ADAP1: variants seen among roughly 807,000 people sequenced by gnomAD.
ADAP1 encodes the protein arf-GAP with dual PH domain-containing protein 1.
In ADAP1, 31 loss-of-function variants were observed where a neutral mutation model predicts 54.9. That is an observed-to-expected ratio of 0.56 (90% confidence interval 0.42 to 0.76). The LOEUF (loss-of-function observed/expected upper bound fraction) is 0.76, where lower values mean the gene tolerates loss of function less well. ADAP1 is among the 30% of genes least tolerant of loss of function. The pLI is 0.00. For synonymous variants in ADAP1, 313 were observed against 202.6 expected (o/e 1.55, Z -4.63); for missense variants, 535 against 512.4 (o/e 1.04, Z -0.42).
chr7:919,938 G>T (rs1172059203), intron 4 of ADAP1, 30 bp downstream of exon 4: 1 of 1,574,288 alleles, frequency 6.4e-7, no homozygotes. Flanking sequence ...GAGGTAGCCG[G>T]GAGGCCCCAC....
chr7:941,151 T>G (rs1039781465), intron 1 of ADAP1, among the ~76,000 whole-genome samples: 2 of 151,734 alleles, frequency 1.3e-5, no homozygotes, highest in Non-Finnish European at 1.5e-5. Context: ...GAATAGAGGG[T>G]AATTTCCCCA....
At chr7:917,810 G>A (rs923298240) in intron 4 of ADAP1, among the ~76,000 whole-genome samples, 5 of 152,064 alleles carry the variant, frequency 3.3e-5, no homozygotes, top group South Asian at 2.1e-4. Context: ...TCGCTCTGAC[G>A]TCCAGGCTGG....
chr7:905,299 A>C (rs56919223), intron 4 of ADAP1, 127 bp from the exon 5 acceptor site: 4 of 172,690 alleles, frequency 2.3e-5, no homozygotes, highest in Middle Eastern at 8.1e-4. Flanking sequence ...GGACACGGAC[A>C]GGGGGAGACG....
chr7:919,924 G>A (rs1250525111), intron 4 of ADAP1, 44 bp downstream of exon 4: 8 of 1,522,526 alleles, frequency 5.3e-6, no homozygotes, highest in Non-Finnish European at 7.1e-6. Flanking sequence ...GAGAGAGCCA[G>A]GGAGAGGTAG....
In ADAP1 at chr7:898,570, T is replaced by C; in HGVS notation, c.*351A>G. 2.5e-6 allele frequency: 1 copy of C among 397,500 alleles called. No individual in the cohort carries two copies. The highest frequency in any genetic ancestry group is 4.8e-6 in the Non-Finnish European group (1 of 209,250). 24.6% of individuals were successfully genotyped at this position (397,500 alleles called of 1,614,324 possible). A position where few individuals can be genotyped will look rare whatever the true frequency, so the allele number is the denominator to read the frequency against. On this transcript the variant is annotated 3_prime_UTR_variant, in exon 11 of 11. Transcript: ENST00000265846. The stretch of plus-strand genomic sequence containing the variant: ...CCAAGCAGGGCTCTGCGCTGAGGCC[T>C]GGAAGTTCCCACAGCCGTGGTGGGC...
chr7:940,696 G>A (rs1384183816), intron 1 of ADAP1, among the ~76,000 whole-genome samples: 1 of 152,056 alleles, frequency 6.6e-6, no homozygotes, highest in Non-Finnish European at 1.5e-5. Context: ...CTACTCCTAG[G>A]AATTTACCCA....
chr7:906,771 G>GGATGGGACAT (rs1554272482), intron 4 of ADAP1, among the ~76,000 whole-genome samples: 610 of 31,384 alleles, frequency 0.019, 48 homozygotes, highest in Middle Eastern at 0.054. Flanking sequence ...GGGGACATGG[G>GGATGGGACAT]GGACAGGGGA....
intron 2 of ADAP1, among the ~76,000 whole-genome samples, chr7:931,711 T>C (rs78778431): frequency 0.024 from 3,598 of 150,226 alleles, 157 homozygotes; most frequent in East Asian, 0.24. Flanking sequence ...TGTATGGCTG[T>C]GAACGGCATC....
chr7:937,078 GGGATTTGGGGGTCACGCCGGGCCTC>G (rs1266819542), intron 1 of ADAP1, among the ~76,000 whole-genome samples: 3,041 of 121,238 alleles, frequency 0.025, 24 homozygotes, highest in African/African-American at 0.049. Context: ...CCCGGCCTCT[GGGATTTGGGGGTCACGCCGGGCCTC>G]GGATTTGGGG....
At chr7:915,366 A>T (rs1569112) in intron 4 of ADAP1, among the ~76,000 whole-genome samples, 1 of 152,148 alleles carries the variant, frequency 6.6e-6, no homozygotes, top group East Asian at 1.9e-4. Flanking sequence ...AACAGAGGGC[A>T]CAGCCCATGC....
In ADAP1 at chr7:899,029, T is replaced by TCA. The variant is rs1421436238; in HGVS notation, c.1096+2_1096+3dup. On this transcript the variant is annotated splice_donor_region_variant and intron_variant, in intron 10 of 10. Transcript: ENST00000265846. Reference sequence around the variant, plus strand: ...CCAGGCCGCCGGCCGCCCGCCCCCCTCACCTGCGTACTCCTGGGGCAGCAT... The same window carrying TCA: ...CCAGGCCGCCGGCCGCCCGCCCCCCTCACACCTGCGTACTCCTGGGGCAGCAT... The TCA allele has an allele frequency of 1.9e-6, 3 of 1,609,544 alleles. No homozygotes were observed. In the South Asian group the frequency reaches 3.3e-5, roughly 18 times the overall value.
intron 1 of ADAP1, among the ~76,000 whole-genome samples, chr7:936,099 G>A (rs1396611476): frequency 2.0e-5 from 3 of 152,222 alleles, no homozygotes; most frequent in Non-Finnish European, 4.4e-5. Context: ...CACCCTGCAT[G>A]TGGCCTGTCT....
rs577801628 is a variant in ADAP1, at chr7:907,040, G to C, written c.389-1868C>G. Among the ~76,000 whole-genome samples, 13 of 152,246 alleles carry C rather than the reference G, an allele frequency of 8.5e-5. No homozygotes were observed. The East Asian group carries it at 1.5e-3, about 18-fold the overall frequency. ...AACCTCGTGCTGCCCGGGAGGACCA[G>C]GCTGGCCTCCTCCCTCCTCCCTCAG... On this transcript the variant is annotated intron_variant, in intron 4 of 10. Coordinates refer to ENST00000265846, the MANE Select transcript of ADAP1 (RefSeq NM_006869.4).
Position 906,495 on chromosome 7 carries a change from AGGAGAAAG to A in ADAP1, c.389-1331_389-1324del, listed in dbSNP as rs1279107846. Among the ~76,000 whole-genome samples, 86 of 28,280 alleles carry A rather than the reference AGGAGAAAG, an allele frequency of 3.0e-3. 15 individuals carry two copies. Among genetic ancestry groups the A allele is most frequent in the African/African-American group, 6.7e-3 (50 of 7,486 alleles). 18.6% of individuals were successfully genotyped at this position (28,280 alleles called of 152,430 possible). A position where few individuals can be genotyped will look rare whatever the true frequency, so the allele number is the denominator to read the frequency against. On this transcript the variant is annotated intron_variant, in intron 4 of 10. Transcript: ENST00000265846. The stretch of plus-strand genomic sequence containing the variant: ...GAGAAAGGAGAAAGGAGAAAGGGAA[AGGAGAAAG>A]GGAGAAAGGAGAAAGGAGAAAGGGA...
rs1423445748 is a variant in ADAP1 at position 945,100 on chromosome 7, A to G, written c.82+9296T>C. ...AGGAGATGGGGAGCTAGAGTCCCCC[A>G]GCTTCCAGTAAGGAAAAAGCCTGGC... On this transcript the variant is annotated intron_variant, in intron 1 of 10. Transcript: ENST00000265846. This position sits in a 1 kb window ranked among gnomAD's most constrained non-coding sequence, Gnocchi z 4.2. Among the ~76,000 whole-genome samples, 41 of 152,198 alleles carry G rather than the reference A, an allele frequency of 2.7e-4. 1 individual carries two copies. The highest frequency in any genetic ancestry group is 2.7e-3 in the Admixed American group (41 of 15,288).
Position 898,805 on chromosome 7 carries a change from T to C in ADAP1, c.*116A>G. Reference sequence around the variant, plus strand: ...CGGGCCCTACCTGGCCGCGCCGGGCTGCCCTGAGGAGCAGGTGGGGCCAGG... The same window carrying C: ...CGGGCCCTACCTGGCCGCGCCGGGCCGCCCTGAGGAGCAGGTGGGGCCAGG... On this transcript the variant is annotated 3_prime_UTR_variant, in exon 11 of 11. Transcript: ENST00000265846. The C allele has an allele frequency of 7.0e-7, 1 of 1,427,064 alleles. No individual in the cohort carries two copies. The highest frequency in any genetic ancestry group is 1.2e-5 in the South Asian group (1 of 81,206). The allele number at this position is 1,427,064 out of a possible 1,614,324, so 88.4% of individuals were successfully genotyped here.
At chr7:928,809 C>A (rs1255202014) in intron 2 of ADAP1, among the ~76,000 whole-genome samples, 1 of 152,238 alleles carries the variant, frequency 6.6e-6, no homozygotes, top group Non-Finnish European at 1.5e-5. Flanking sequence ...AAACGGTAAA[C>A]ACAGAGTTAC....
At chr7:935,054 G>A (rs918649473) in intron 2 of ADAP1, 35 of 498,604 alleles carry the variant, frequency 7.0e-5, no homozygotes, top group South Asian at 5.2e-4. Context: ...TGAGCCCAGT[G>A]CTCCAGGTGT....
chr7:940,030 G>T (rs569546918), intron 1 of ADAP1, among the ~76,000 whole-genome samples: 1 of 152,088 alleles, frequency 6.6e-6, no homozygotes, highest in African/African-American at 2.4e-5. Flanking sequence ...CTGGCACAAG[G>T]TCCCCCGGTG....
Sources: allele counts gnomAD v4.1 joint callset (sites outside exome capture counted in the v4.1 genomes callset), GRCh38; gene constraint gnomAD v4.1.1; non-coding constraint Gnocchi (gnomAD v3.1); transcripts MANE v1.5; gene names NCBI Gene and HGNC (gene_info 2026-07-23, HGNC 2026-07-21).